The following SNAP91 variants were observed in gnomAD, a reference collection of about 807,000 sequenced individuals.
SNAP91 encodes clathrin coat assembly protein AP180.
In SNAP91, 27 loss-of-function variants were observed where a neutral mutation model predicts 100.3. The observed-to-expected ratio is 0.27, with a 90% CI of 0.20 to 0.37. The LOEUF is 0.37. SNAP91 is among the 10% of genes least tolerant of loss of function. SNAP91 has a pLI of 1.00. For synonymous variants in SNAP91, 404 were observed against 398.6 expected (o/e 1.01, Z -0.16); for missense variants, 986 against 1,123.7 (o/e 0.88, Z 1.75).
chr6:83,605,367 G>A lies in SNAP91; in HGVS notation c.1141+318C>T, dbSNP rs536828740. On this transcript the variant is annotated intron_variant, in intron 14 of 29. Transcript: ENST00000369694. ...AATCCTCAAGGCCTGAGTCTCTAGA[G>A]AACAATTACTAAAAATAATCAGAAT... 3.1e-4 allele frequency among the ~76,000 whole-genome samples: 47 copies of A among 152,000 alleles called. No homozygotes were observed. The South Asian group carries it at 9.5e-3, about 31-fold the overall frequency.
At chr6:83,686,402 A>C (rs1476346526) in intron 2 of SNAP91, among the ~76,000 whole-genome samples, 1 of 152,240 alleles carries the variant, frequency 6.6e-6, no homozygotes, top group Non-Finnish European at 1.5e-5. Flanking sequence ...TTAACAACAA[A>C]TCAAGGGTAG....
intron 18 of SNAP91, 92 bp from the exon 19 acceptor site, chr6:83,593,351 C>A (rs550315654): frequency 1.4e-4 from 216 of 1,516,698 alleles, no homozygotes; most frequent in Admixed American, 2.2e-4. Flanking sequence ...CTTTGAAGAA[C>A]TCTGAATTAA....
chr6:83,696,266 C>A (rs1291147551), intron 2 of SNAP91, among the ~76,000 whole-genome samples: 1 of 152,022 alleles, frequency 6.6e-6, no homozygotes. Flanking sequence ...AGGTGCATAG[C>A]GATATTACAG....
chr6:83,589,779 G>C (rs1307952604), intron 22 of SNAP91, among the ~76,000 whole-genome samples: 1 of 152,132 alleles, frequency 6.6e-6, no homozygotes, highest in Non-Finnish European at 1.5e-5. Flanking sequence ...CCTGAGGAAA[G>C]ATTTGACCTC....
intron 3 of SNAP91, among the ~76,000 whole-genome samples, chr6:83,663,516 C>A (rs185190484): frequency 1.3e-5 from 2 of 152,118 alleles, no homozygotes; most frequent in African/African-American, 2.4e-5. Context: ...AAGATCAAAC[C>A]AGCTACAACA....
chr6:83,708,089 G>A, intron 1 of SNAP91, 132 bp from the exon 2 acceptor site: 1 of 747,780 alleles, frequency 1.3e-6, no homozygotes. Flanking sequence ...ACCTCTCGGA[G>A]CCAGCAACGC....
intron 26 of SNAP91, among the ~76,000 whole-genome samples, chr6:83,564,501 C>T (rs569869462): frequency 7.4e-4 from 112 of 152,000 alleles, no homozygotes; most frequent in African/African-American, 2.7e-3. Context: ...TAGGTGGAAC[C>T]ACAGGTGCAT....
intron 2 of SNAP91, among the ~76,000 whole-genome samples, chr6:83,698,670 G>A (rs2099253836): frequency 6.6e-6 from 1 of 152,190 alleles, no homozygotes; most frequent in African/African-American, 2.4e-5. Flanking sequence ...TGGGGCATTT[G>A]TAAGCATAGC....
At chr6:83,594,299 T>C (rs2094203440) in intron 17 of SNAP91, 75 bp downstream of exon 17, 1 of 1,106,186 alleles carries the variant, frequency 9.0e-7, no homozygotes, top group Non-Finnish European at 1.3e-6. Context: ...TAGAAAAACA[T>C]ATGGCCTCTT....
At chr6:83,623,759 C>G (rs1028553857) in intron 8 of SNAP91, among the ~76,000 whole-genome samples, 2 of 152,078 alleles carry the variant, frequency 1.3e-5, no homozygotes, top group African/African-American at 4.8e-5. Context: ...CTTTCTCCCA[C>G]AGACCTAACT....
intron 8 of SNAP91, among the ~76,000 whole-genome samples, chr6:83,631,414 G>C (rs151325694): frequency 6.6e-6 from 1 of 152,078 alleles, no homozygotes; most frequent in African/African-American, 2.4e-5. Flanking sequence ...CTGTCTTGAT[G>C]ACCTGTCTAG....
chr6:83,563,543 G>C (rs1212716839), intron 26 of SNAP91, among the ~76,000 whole-genome samples: 1 of 152,124 alleles, frequency 6.6e-6, no homozygotes, highest in Admixed American at 6.5e-5. Flanking sequence ...ATCCAGGTGG[G>C]AAAGAAAGAA....
intron 2 of SNAP91, among the ~76,000 whole-genome samples, chr6:83,698,011 T>C (rs2099243025): frequency 6.6e-6 from 1 of 152,010 alleles, no homozygotes. Context: ...ATGTAGGCAC[T>C]GAAAAGAAAG....
chr6:83,588,942 AG>A (rs1189508129), intron 22 of SNAP91, among the ~76,000 whole-genome samples: 3 of 152,276 alleles, frequency 2.0e-5, no homozygotes, highest in Admixed American at 6.5e-5. Flanking sequence ...TTCCCATTTG[AG>A]ATCTGTGGCA....
rs1025774288 is a variant in SNAP91 at position 83,687,799 on chromosome 6, T to C, written c.130+19999A>G. Among the ~76,000 whole-genome samples, 5 of 152,328 alleles carry C rather than the reference T, an allele frequency of 3.3e-5. No homozygotes were observed. The South Asian group carries it at 8.3e-4, about 25-fold the overall frequency. The stretch of plus-strand genomic sequence containing the variant: ...GGCAGAGGAGATTGTAGGATTTATA[T>C]TTATTTTGTAGACAGGTAGAGCCAA... On this transcript the variant is annotated intron_variant, in intron 2 of 29. Coordinates refer to ENST00000369694, the MANE Select transcript of SNAP91 (RefSeq NM_001242792.2).
chr6:83,577,326 T>C (rs72901593), intron 24 of SNAP91, among the ~76,000 whole-genome samples: 2,722 of 152,272 alleles, frequency 0.018, 41 homozygotes, highest in Middle Eastern at 0.037. Flanking sequence ...ACACCAAATA[T>C]AAAAATGATT....
chr6:83,703,102 G>C (rs566941652), intron 2 of SNAP91, among the ~76,000 whole-genome samples: 1 of 151,352 alleles, frequency 6.6e-6, no homozygotes, highest in Non-Finnish European at 1.5e-5. Context: ...GGGTCTTCTG[G>C]TAAAATCAAG....
At chr6:83,578,958 A>G (rs1258640930) in intron 24 of SNAP91, among the ~76,000 whole-genome samples, 1 of 152,072 alleles carries the variant, frequency 6.6e-6, no homozygotes, top group Non-Finnish European at 1.5e-5. Flanking sequence ...GAAGTTATTT[A>G]GTCTTTCCCC....
chr6:83,613,495 T>C (rs993188523), intron 11 of SNAP91, among the ~76,000 whole-genome samples: 5 of 152,226 alleles, frequency 3.3e-5, no homozygotes, highest in African/African-American at 1.2e-4. Flanking sequence ...AATTAAAAGG[T>C]TGAGAACCAG....
Sources: gnomAD v4.1 joint callset for allele counts (sites outside exome capture counted in the v4.1 genomes callset) on GRCh38, gnomAD v4.1.1 for gene constraint, MANE v1.5 for transcripts, NCBI Gene and HGNC (gene_info 2026-07-23, HGNC 2026-07-21) for gene names.